DRC9: variants seen among roughly 807,000 people sequenced by gnomAD.
DRC9 encodes dynein regulatory complex protein 9.
the DRC9 span, chr3:197,889,755 C>T: frequency 1.2e-6 from 2 of 1,611,210 alleles, no homozygotes; most frequent in East Asian, 2.2e-5. Context: ...TATGCTATGC[C>T]TGACAAGCTG....
At chr3:197,953,630 T>C in the DRC9 span, 10 of 456,152 alleles carry the variant, frequency 2.2e-5, no homozygotes, top group Non-Finnish European at 4.0e-5. Context: ...GTCACCTCAG[T>C]GAGACCTTCC....
At chr3:197,902,430 A>C in the DRC9 span, among the ~76,000 whole-genome samples, 418 of 152,290 alleles carry the variant, frequency 2.7e-3, 1 homozygote, top group Admixed American at 4.4e-3. Context: ...TAGACAGAGA[A>C]TTCAAAATAG....
the DRC9 span, among the ~76,000 whole-genome samples, chr3:197,934,305 C>T: frequency 4.0e-5 from 6 of 151,150 alleles, no homozygotes; most frequent in East Asian, 1.2e-3. Flanking sequence ...CTGTCTCAGC[C>T]TCCCGAGGAG....
chr3:197,899,584 A>G, the DRC9 span, among the ~76,000 whole-genome samples: 1 of 152,148 alleles, frequency 6.6e-6, no homozygotes, highest in Non-Finnish European at 1.5e-5. Context: ...AATCCATGGT[A>G]TTGATCTTGT....
chr3:197,918,955 C>T, the DRC9 span, among the ~76,000 whole-genome samples: 2 of 151,952 alleles, frequency 1.3e-5, no homozygotes, highest in African/African-American at 2.4e-5. Flanking sequence ...ATTACAGGCA[C>T]CTGCCACTAC....
At chr3:197,945,959 G>A in the DRC9 span, among the ~76,000 whole-genome samples, 158 of 152,256 alleles carry the variant, frequency 1.0e-3, 2 homozygotes, top group African/African-American at 3.6e-3. Flanking sequence ...AATGTTCAAC[G>A]TGGTTTTAGT....
At chr3:197,896,527 G>A in the DRC9 span, among the ~76,000 whole-genome samples, 3 of 152,160 alleles carry the variant, frequency 2.0e-5, 1 homozygote, top group South Asian at 6.2e-4. Flanking sequence ...ATAAAAGTAA[G>A]CTGGGGTAAA....
chr3:197,932,070 T>C, the DRC9 span: 2 of 1,271,326 alleles, frequency 1.6e-6, no homozygotes, highest in East Asian at 2.5e-5. Context: ...TTATCTTCCC[T>C]GGAAAGCACA....
the DRC9 span, chr3:197,906,766 CA>C: frequency 6.6e-6 from 1 of 152,364 alleles, no homozygotes; most frequent in African/African-American, 2.4e-5. Flanking sequence ...AATCCCCCCA[CA>C]CCCTCACACC....
the DRC9 span, among the ~76,000 whole-genome samples, chr3:197,916,669 C>T: frequency 6.6e-6 from 1 of 152,036 alleles, no homozygotes; most frequent in Non-Finnish European, 1.5e-5. Flanking sequence ...GTCTTGAACT[C>T]CTAGACTCAA....
At chr3:197,904,237 G>A in the DRC9 span, among the ~76,000 whole-genome samples, 2 of 151,440 alleles carry the variant, frequency 1.3e-5, no homozygotes, top group South Asian at 2.1e-4. Context: ...TCAAAACTAC[G>A]AGACATCATC....
At chr3:197,954,204 T>A in the DRC9 span, 1 of 1,593,234 alleles carries the variant, frequency 6.3e-7, no homozygotes, top group Non-Finnish European at 8.6e-7. Flanking sequence ...GTTCAAGGTG[T>A]TGTGCTTTGA....
chr3:197,899,422 A>C, the DRC9 span, among the ~76,000 whole-genome samples: 1 of 152,204 alleles, frequency 6.6e-6, no homozygotes, highest in Non-Finnish European at 1.5e-5. Flanking sequence ...GGAATATATA[A>C]ACACAAAGTA....
the DRC9 span, among the ~76,000 whole-genome samples, chr3:197,905,742 GA>G: frequency 5.5e-5 from 8 of 144,466 alleles, no homozygotes; most frequent in South Asian, 2.2e-4. Context: ...AATCTCAGAA[GA>G]AAAAAAAAAG....
At chr3:197,953,454 G>A in the DRC9 span, 11 of 456,578 alleles carry the variant, frequency 2.4e-5, no homozygotes, top group Middle Eastern at 3.2e-4. Flanking sequence ...GTAAAAGCCC[G>A]TCATTAAGAG....
the DRC9 span, among the ~76,000 whole-genome samples, chr3:197,947,507 T>G: frequency 6.6e-6 from 1 of 152,216 alleles, no homozygotes; most frequent in African/African-American, 2.4e-5. Context: ...CTTTCAGTTC[T>G]TCTCTGGACT....
the DRC9 span, among the ~76,000 whole-genome samples, chr3:197,898,303 G>A: frequency 6.6e-6 from 1 of 152,098 alleles, no homozygotes; most frequent in Non-Finnish European, 1.5e-5. Context: ...GACAATGTAA[G>A]CATTATATAT....
At chr3:197,906,309 G>T in the DRC9 span, 2 of 152,048 alleles carry the variant, frequency 1.3e-5, no homozygotes, top group African/African-American at 4.8e-5. Flanking sequence ...GGCCAAACAC[G>T]TTATGACCTA....
the DRC9 span, chr3:197,914,146 A>T: frequency 1.0e-6 from 1 of 958,144 alleles, no homozygotes; most frequent in Admixed American, 1.9e-5. Context: ...TCAATAAGGA[A>T]CTGGAACTAT....
Sources: allele counts gnomAD v4.1 joint callset (sites outside exome capture counted in the v4.1 genomes callset), GRCh38; gene constraint gnomAD v4.1.1; transcripts MANE v1.5; gene names NCBI Gene and HGNC (gene_info 2026-07-23, HGNC 2026-07-21).